The following PDGFC variants were observed in gnomAD, a reference collection of about 807,000 sequenced individuals.
The protein encoded by PDGFC is platelet-derived growth factor C.
Under a neutral mutation model 35.5 loss-of-function variants are expected in PDGFC, and 12 were observed. The observed-to-expected ratio is 0.34, with a 90% CI of 0.22 to 0.55. The LOEUF is 0.55. Ranked by LOEUF, PDGFC falls within the 20% of genes least tolerant of loss-of-function variation. The pLI is 0.91. For synonymous variants in PDGFC, 159 were observed against 148.8 expected, an observed-to-expected ratio of 1.07 and a Z score of -0.50; for missense variants, 322 against 412.4, an observed-to-expected ratio of 0.78 and a Z score of 1.90.
intron 1 of PDGFC, among the ~76,000 whole-genome samples, chr4:156,965,905 G>A (rs1313297351): frequency 1.3e-5 from 2 of 152,154 alleles, no homozygotes; most frequent in African/African-American, 4.8e-5. Flanking sequence ...CAGGAACACT[G>A]ATCGATCAGG....
chr4:156,768,316 T>TA lies in PDGFC; in HGVS notation c.704-327dup, dbSNP rs34242897. On this transcript the variant is annotated intron_variant, in intron 4 of 5. Coordinates refer to ENST00000502773, the MANE Select transcript of PDGFC (RefSeq NM_016205.3). ...AAAAGGCCACACGTTTTAACCTTAG[T>TA]AAAAAAAAAAAAAATAGACATGGAG... Among the ~76,000 whole-genome samples, 882 of 139,184 alleles carry TA rather than the reference T, an allele frequency of 6.3e-3. 2 individuals carry two copies. The highest frequency in any genetic ancestry group is 0.01 in the Non-Finnish European group (629 of 62,208). The allele number at this position is 139,184 out of a possible 152,430, so 91.3% of individuals were successfully genotyped here.
chr4:156,897,343 AGAGTGTATGTGT>A (rs1730656733), intron 1 of PDGFC, among the ~76,000 whole-genome samples: 1 of 103,296 alleles, frequency 9.7e-6, no homozygotes, highest in African/African-American at 3.5e-5. Flanking sequence ...AGAGTGTGTG[AGAGTGTATGTGT>A]GTGTGTGTGT....
At chr4:156,845,982 A>G (rs1729316664) in intron 2 of PDGFC, among the ~76,000 whole-genome samples, 2 of 151,822 alleles carry the variant, frequency 1.3e-5, no homozygotes, top group Non-Finnish European at 3.0e-5. Flanking sequence ...CAATATTAGT[A>G]ATAAAACAAA....
At chr4:156,843,068 T>C (rs1729242508) in intron 2 of PDGFC, among the ~76,000 whole-genome samples, 1 of 152,194 alleles carries the variant, frequency 6.6e-6, no homozygotes. Flanking sequence ...ATGGTTCGAA[T>C]GTTTGTGTCC....
intron 1 of PDGFC, among the ~76,000 whole-genome samples, chr4:156,900,110 A>T (rs1443233): frequency 0.57 from 86,292 of 152,044 alleles, 24,724 homozygotes; most frequent in Admixed American, 0.63. Flanking sequence ...CATCCTCCTC[A>T]TCTACCCAGT....
intron 1 of PDGFC, among the ~76,000 whole-genome samples, chr4:156,920,305 T>C (rs1008508062): frequency 3.3e-5 from 5 of 152,202 alleles, no homozygotes; most frequent in African/African-American, 1.2e-4. Flanking sequence ...ATGCATTACA[T>C]AGAAAAATGG....
chr4:156,844,240 T>G (rs1189168903), intron 2 of PDGFC, among the ~76,000 whole-genome samples: 1 of 152,196 alleles, frequency 6.6e-6, no homozygotes, highest in Admixed American at 6.5e-5. Flanking sequence ...TCAGTTATAT[T>G]ATTTGGCATA....
In PDGFC at chr4:156,834,950, G is replaced by C. The variant is rs555157959; in HGVS notation, c.314+15271C>G. ...AAAAAAAAACACAACTGAACAGCTT[G>C]ATAGATTTTTAAGCAGTAAAATTTT... On this transcript the variant is annotated intron_variant, in intron 2 of 5. Coordinates refer to ENST00000502773, the MANE Select transcript of PDGFC (RefSeq NM_016205.3). Among the ~76,000 whole-genome samples, 10 of 151,902 alleles carry C rather than the reference G, an allele frequency of 6.6e-5. No homozygotes were observed. In the East Asian group the frequency reaches 9.6e-4, roughly 15 times the overall value.
chr4:156,918,394 T>C (rs1731197877), intron 1 of PDGFC, among the ~76,000 whole-genome samples: 1 of 152,054 alleles, frequency 6.6e-6, no homozygotes, highest in Non-Finnish European at 1.5e-5. Context: ...TTAGAAGAAA[T>C]AAAGGTGAAA....
At chr4:156,926,782 C>T (rs1460524284) in intron 1 of PDGFC, among the ~76,000 whole-genome samples, 8 of 152,072 alleles carry the variant, frequency 5.3e-5, no homozygotes, top group Admixed American at 2.0e-4. Flanking sequence ...TCCAGGCACC[C>T]GGTACAAGCT....
intron 3 of PDGFC, among the ~76,000 whole-genome samples, chr4:156,793,499 T>C (rs1266824783): frequency 6.8e-6 from 1 of 147,620 alleles, no homozygotes; most frequent in Non-Finnish European, 1.5e-5. Context: ...TATAGTAAGG[T>C]TAAGTACTAT....
At chr4:156,773,242 A>G (rs919721964) in intron 3 of PDGFC, among the ~76,000 whole-genome samples, 2 of 152,168 alleles carry the variant, frequency 1.3e-5, no homozygotes, top group Non-Finnish European at 2.9e-5. Flanking sequence ...TCCACTTTTC[A>G]TTTTCCTTAA....
chr4:156,833,629 G>GT (rs1728996392), intron 2 of PDGFC, among the ~76,000 whole-genome samples: 1 of 152,166 alleles, frequency 6.6e-6, no homozygotes, highest in Non-Finnish European at 1.5e-5. Context: ...AGGAAAGACA[G>GT]TAACTTTTTC....
intron 2 of PDGFC, among the ~76,000 whole-genome samples, chr4:156,822,384 A>G (rs890843604): frequency 2.0e-5 from 3 of 150,824 alleles, no homozygotes; most frequent in African/African-American, 7.3e-5. Context: ...AAAAGTGCAT[A>G]GTAATAAATT....
intron 1 of PDGFC, among the ~76,000 whole-genome samples, chr4:156,955,575 G>T (rs1008891869): frequency 2.6e-5 from 4 of 151,768 alleles, no homozygotes; most frequent in African/African-American, 9.7e-5. Flanking sequence ...ATAATAATAC[G>T]AAAAATGTAA....
At chr4:156,947,371 T>C (rs971926572) in intron 1 of PDGFC, among the ~76,000 whole-genome samples, 5 of 152,046 alleles carry the variant, frequency 3.3e-5, no homozygotes, top group African/African-American at 4.8e-5. Flanking sequence ...TTTAAAGTTC[T>C]CCCCTGACAT....
chr4:156,958,000 A>G (rs569232784), intron 1 of PDGFC, among the ~76,000 whole-genome samples: 14 of 151,974 alleles, frequency 9.2e-5, no homozygotes, highest in African/African-American at 2.9e-4. Flanking sequence ...CAAAAAATAT[A>G]TATCTCCCCT....
intron 1 of PDGFC, among the ~76,000 whole-genome samples, chr4:156,943,940 A>G (rs770884138): frequency 4.6e-5 from 7 of 152,124 alleles, no homozygotes; most frequent in Non-Finnish European, 5.9e-5. Flanking sequence ...CTTAAAACAA[A>G]TATGTTGTGT....
At chr4:156,837,742 A>T (rs1323712321) in intron 2 of PDGFC, among the ~76,000 whole-genome samples, 2 of 152,326 alleles carry the variant, frequency 1.3e-5, no homozygotes, top group South Asian at 2.1e-4. Context: ...GGAGGTGTTG[A>T]CAATAGAAGA....
Sources: gnomAD v4.1 joint callset for allele counts (sites outside exome capture counted in the v4.1 genomes callset) on GRCh38, gnomAD v4.1.1 for gene constraint, MANE v1.5 for transcripts, NCBI Gene and HGNC (gene_info 2026-07-23, HGNC 2026-07-21) for gene names.